The following MATCAP2 variants were observed in gnomAD, a reference collection of about 807,000 sequenced individuals.
The protein encoded by MATCAP2 is putative tyrosine carboxypeptidase MATCAP2.
chr7:36,353,594 C>A, the MATCAP2 span, among the ~76,000 whole-genome samples: 19 of 151,210 alleles, frequency 1.3e-4, no homozygotes, highest in African/African-American at 4.4e-4. Context: ...GATTCTCCTG[C>A]CTTAGCCTCC....
At chr7:36,346,357 C>G in the MATCAP2 span, among the ~76,000 whole-genome samples, 1 of 151,996 alleles carries the variant, frequency 6.6e-6, no homozygotes, top group Non-Finnish European at 1.5e-5. Flanking sequence ...GCATTATTAA[C>G]AGCCAAAAAG....
chr7:36,343,767 AAAG>A, the MATCAP2 span, among the ~76,000 whole-genome samples: 2 of 151,974 alleles, frequency 1.3e-5, no homozygotes, highest in Non-Finnish European at 2.9e-5. Flanking sequence ...AAAAGAGAAA[AAAG>A]GTCAAAATGA....
the MATCAP2 span, among the ~76,000 whole-genome samples, chr7:36,375,691 C>G: frequency 0.97 from 147,571 of 152,278 alleles, 71,683 homozygotes; most frequent in East Asian, 1. Flanking sequence ...ACCTCTGGTA[C>G]AATTCGGCTG....
At chr7:36,378,525 A>G in the MATCAP2 span, among the ~76,000 whole-genome samples, 141,408 of 152,304 alleles carry the variant, frequency 0.93, 66,011 homozygotes, top group South Asian at 0.98. Flanking sequence ...CTACTGGGAG[A>G]TGTCTCCTAG....
At chr7:36,349,756 A>T in the MATCAP2 span, among the ~76,000 whole-genome samples, 5 of 152,248 alleles carry the variant, frequency 3.3e-5, no homozygotes, top group Non-Finnish European at 7.3e-5. Context: ...TTGTTAAGGT[A>T]AGAACCTGAG....
chr7:36,378,118 T>C, the MATCAP2 span, among the ~76,000 whole-genome samples: 2 of 152,360 alleles, frequency 1.3e-5, no homozygotes, highest in South Asian at 4.1e-4. Flanking sequence ...CTCGTCAAAG[T>C]CATTCTCTGT....
chr7:36,328,559 C>T, the MATCAP2 span, among the ~76,000 whole-genome samples: 2 of 151,760 alleles, frequency 1.3e-5, no homozygotes, highest in Admixed American at 6.6e-5. Context: ...GCCTGGCCAA[C>T]GTGGTGAAAC....
chr7:36,336,377 G>T, the MATCAP2 span: 1 of 1,095,418 alleles, frequency 9.1e-7, no homozygotes, highest in Non-Finnish European at 1.3e-6. Flanking sequence ...GTTATTTATT[G>T]TGACCTATTC....
At chr7:36,375,157 C>G in the MATCAP2 span, among the ~76,000 whole-genome samples, 3 of 152,232 alleles carry the variant, frequency 2.0e-5, no homozygotes, top group Non-Finnish European at 2.9e-5. Flanking sequence ...CTCCCACCAA[C>G]AGTGTAAAAG....
chr7:36,383,104 C>T, the MATCAP2 span, among the ~76,000 whole-genome samples: 4 of 151,896 alleles, frequency 2.6e-5, no homozygotes, highest in Non-Finnish European at 5.9e-5. Context: ...ACATCTTCAT[C>T]AATTAAACTA....
chr7:36,333,411 T>A, the MATCAP2 span, among the ~76,000 whole-genome samples: 2 of 152,180 alleles, frequency 1.3e-5, no homozygotes, highest in East Asian at 3.8e-4. Flanking sequence ...TCTTTTGAGG[T>A]AATGAAAACA....
At chr7:36,384,556 G>A in the MATCAP2 span, among the ~76,000 whole-genome samples, 3 of 152,368 alleles carry the variant, frequency 2.0e-5, no homozygotes, top group African/African-American at 7.2e-5. Flanking sequence ...TTACACTGTA[G>A]TAGGAAGGCC....
At chr7:36,333,915 T>G in the MATCAP2 span, 1 of 1,614,150 alleles carries the variant, frequency 6.2e-7, no homozygotes, top group South Asian at 1.1e-5. Context: ...CCATCTTGTA[T>G]TGGGGTCCTT....
chr7:36,366,622 A>G, the MATCAP2 span: 4 of 1,475,300 alleles, frequency 2.7e-6, no homozygotes, highest in South Asian at 3.7e-5. Flanking sequence ...GGATTTAACA[A>G]TCTTTGGATT....
At chr7:36,354,836 A>T in the MATCAP2 span, among the ~76,000 whole-genome samples, 1 of 152,216 alleles carries the variant, frequency 6.6e-6, no homozygotes, top group East Asian at 1.9e-4. Flanking sequence ...TGTAGGATTA[A>T]TCTCCTAAAG....
the MATCAP2 span, among the ~76,000 whole-genome samples, chr7:36,346,055 T>C: frequency 0.08 from 12,240 of 152,152 alleles, 650 homozygotes; most frequent in East Asian, 0.16. Flanking sequence ...AAAATGGCCA[T>C]TATTAACCAT....
the MATCAP2 span, among the ~76,000 whole-genome samples, chr7:36,388,829 A>C: frequency 6.6e-6 from 1 of 152,216 alleles, no homozygotes; most frequent in Non-Finnish European, 1.5e-5. Context: ...GGCTTGTCAG[A>C]ATTCCTCCCG....
At chr7:36,377,634 TTGAATG>T in the MATCAP2 span, among the ~76,000 whole-genome samples, 2 of 152,202 alleles carry the variant, frequency 1.3e-5, no homozygotes, top group Non-Finnish European at 2.9e-5. Flanking sequence ...TTTCCTGAAC[TTGAATG>T]TTGGCCTGCC....
At chr7:36,368,784 T>C in the MATCAP2 span, among the ~76,000 whole-genome samples, 1 of 152,182 alleles carries the variant, frequency 6.6e-6, no homozygotes, top group Non-Finnish European at 1.5e-5. Context: ...CTCTTTGATA[T>C]TCCTCAATTC....
Sources: gnomAD v4.1 joint callset for allele counts (sites outside exome capture counted in the v4.1 genomes callset) on GRCh38, gnomAD v4.1.1 for gene constraint, MANE v1.5 for transcripts, NCBI Gene and HGNC (gene_info 2026-07-23, HGNC 2026-07-21) for gene names.